Variants in LYAR observed in about 807,000 individuals in gnomAD.
LYAR encodes the protein cell growth-regulating nucleolar protein.
In LYAR, 37 loss-of-function variants were observed where a neutral mutation model predicts 45.2. The observed-to-expected ratio is 0.82, with a 90% CI of 0.63 to 1.08. The LOEUF is 1.08. LYAR is among the 50% of genes least tolerant of loss of function. LYAR has a pLI of 0.00. For missense variants in LYAR, 493 were observed against 451.0 expected (o/e 1.09, Z -0.84); for synonymous variants, 176 against 155.1 (o/e 1.14, Z -1.00).
Position 4,288,122 on chromosome 4 carries a change from T to C in LYAR, c.-107-1550A>G, listed in dbSNP as rs115389993. 3.5e-3 allele frequency among the ~76,000 whole-genome samples: 540 copies of C among 152,354 alleles called. 1 individual carries two copies. The highest frequency in any genetic ancestry group is 0.012 in the African/African-American group (517 of 41,586). The stretch of plus-strand genomic sequence containing the variant: ...CAAAGCACCTTAACTTCCCAGAATC[T>C]GTTTATCTGTAAAATGGATCTAATA... On this transcript the variant is annotated intron_variant, in intron 1 of 9. Transcript: ENST00000343470.
intron 8 of LYAR, among the ~76,000 whole-genome samples, chr4:4,270,325 T>TTA (rs1376236585): frequency 6.7e-6 from 1 of 149,430 alleles, no homozygotes; most frequent in African/African-American, 2.4e-5. Flanking sequence ...AAAAAAATCT[T>TTA]TAGGCTCTAG....
rs1719041803 is a variant in LYAR, at chr4:4,273,624, G to C, written c.878C>G (p.Pro293Arg). Reference sequence around the variant, plus strand: ...ATCGTCTTCTGGTTCTCCGCCCTCAGGATGCTCTGGGAGCTTCATCTTTTT... The same window carrying C: ...ATCGTCTTCTGGTTCTCCGCCCTCACGATGCTCTGGGAGCTTCATCTTTTT... ...KKKKMKLPEH[P>R]EGGEPEDDEA... Residue 293 changes from proline (P) to arginine (R), a missense_variant, in exon 8 of 10, where the codon CCT becomes CGT. Physicochemically the swap from Pro to Arg is moderately radical, Grantham distance 103. Transcript: ENST00000343470. The C allele has an allele frequency of 6.2e-6, 10 of 1,613,516 alleles. No individual in the cohort carries two copies. Among genetic ancestry groups the C allele is most frequent in the Non-Finnish European group, 8.5e-6 (10 of 1,179,600 alleles).
At chr4:4,286,742 G>A (rs1047472754) in intron 1 of LYAR, among the ~76,000 whole-genome samples, 170 bp from the exon 2 acceptor site, 1 of 148,542 alleles carries the variant, frequency 6.7e-6, no homozygotes, top group African/African-American at 2.5e-5. Context: ...CGCCTCCCGG[G>A]TTCATGCCAT....
At chr4:4,274,152 G>A (rs902126730) in intron 7 of LYAR, among the ~76,000 whole-genome samples, 5 of 151,990 alleles carry the variant, frequency 3.3e-5, no homozygotes, top group South Asian at 2.1e-4. Context: ...CAGAAGAATC[G>A]CTTGAACCTG....
intron 2 of LYAR, among the ~76,000 whole-genome samples, chr4:4,285,535 G>A (rs1290972001): frequency 3.3e-5 from 5 of 152,228 alleles, no homozygotes; most frequent in Admixed American, 6.5e-5. Flanking sequence ...GCATGGAGGT[G>A]CACTTTGGTG....
Position 4,279,499 on chromosome 4 carries a change from T to C in LYAR, c.377A>G (p.Asn126Ser). The C allele has an allele frequency of 6.2e-7, 1 of 1,612,818 alleles. No homozygotes were observed. The highest frequency in any genetic ancestry group is 2.2e-5 in the East Asian group (1 of 44,882). Reference protein sequence around the residue: ...NWMKNSLKVHNESILDQVWNI... With the variant: ...NWMKNSLKVHSESILDQVWNI... ...CCACACCTGGTCCAGAATGGATTCATTATGAACTTTTAAACTGTTCTTCAT... is the reference window on the plus strand; with the variant it reads ...CCACACCTGGTCCAGAATGGATTCACTATGAACTTTTAAACTGTTCTTCAT... The change falls in exon 6 of 10, where the codon AAT becomes AGT. Residue 126 changes from asparagine to serine, a missense_variant. Coordinates refer to ENST00000343470, the MANE Select transcript of LYAR (RefSeq NM_017816.3).
At chr4:4,284,146 A>G (rs1006950604) in intron 2 of LYAR, among the ~76,000 whole-genome samples, 1 of 152,242 alleles carries the variant, frequency 6.6e-6, no homozygotes, top group Admixed American at 6.5e-5. Flanking sequence ...ATACACGGTT[A>G]ACAGAACCAG....
intron 2 of LYAR, among the ~76,000 whole-genome samples, chr4:4,284,349 T>G (rs1418387626): frequency 6.6e-6 from 1 of 152,202 alleles, no homozygotes; most frequent in African/African-American, 2.4e-5. Context: ...GAGTGAAGTT[T>G]AGAAAGTGAA....
Position 4,268,023 on chromosome 4 carries a change from C to A in LYAR, c.1006G>T (p.Val336Phe). The change falls in exon 10 of 10, where the codon GTT (valine) becomes TTT (phenylalanine). Residue 336 changes from valine to phenylalanine, a missense_variant and splice_region_variant. Val to Phe is a conservative substitution (Grantham distance 50). Coordinates refer to ENST00000343470, the MANE Select transcript of LYAR (RefSeq NM_017816.3). ...GTCACTGTGTAGTACTGAGCTAAAA[C>A]CTTCACAAAGAAAAACATCAAATGA... ...EITIKKLRKK[V>F]LAQYYTVTDE... The A allele has an allele frequency of 6.4e-7, 1 of 1,573,280 alleles. No homozygotes were observed. The highest frequency in any genetic ancestry group is 8.6e-7 in the Non-Finnish European group (1 of 1,163,722).
rs1247233882 is a variant in LYAR, at chr4:4,283,781, G to C, written c.-39C>G. 4 of 1,547,996 alleles carry C rather than the reference G, an allele frequency of 2.6e-6. No individual in the cohort carries two copies. The highest frequency in any genetic ancestry group is 1.4e-5 in the African/African-American group (1 of 73,618). ...GCTAAATATTCTCTATCCAAGACAG[G>C]TTTTAAGTCTTGTCCTAAGGAAAAA... On this transcript the variant is annotated 5_prime_UTR_variant, in exon 3 of 10. Transcript: ENST00000343470.
chr4:4,274,258 A>C lies in LYAR; in HGVS notation c.832+109T>G, dbSNP rs546727469. 335 of 1,231,752 alleles carry C rather than the reference A, an allele frequency of 2.7e-4. 2 individuals carry two copies. The highest frequency in any genetic ancestry group is 3.6e-4 in the East Asian group (15 of 42,076). The allele number at this position is 1,231,752 out of a possible 1,614,324, so 76.3% of individuals were successfully genotyped here. On this transcript the variant is annotated intron_variant, in intron 7 of 9. Transcript: ENST00000343470. ...TCTCAAAAAAAACAAAAAAAAAAAA[A>C]ACCACACACACACGCACACAAAACG...
chr4:4,272,317 G>GT (rs1718969922), intron 8 of LYAR, among the ~76,000 whole-genome samples: 1 of 152,158 alleles, frequency 6.6e-6, no homozygotes, highest in Admixed American at 6.5e-5. Flanking sequence ...AACAAAAAAT[G>GT]TAACAACAAC....
chr4:4,268,716 A>C, intron 8 of LYAR, 101 bp from the exon 9 acceptor site: 1 of 718,950 alleles, frequency 1.4e-6, no homozygotes, highest in Non-Finnish European at 2.3e-6. Context: ...CCAGGAAATG[A>C]GCTAACCCTC....
intron 4 of LYAR, among the ~76,000 whole-genome samples, chr4:4,281,382 C>T (rs1719387161): frequency 6.6e-6 from 1 of 151,080 alleles, no homozygotes. Context: ...TCACCCAGTA[C>T]AACCTCGGCT....
chr4:4,276,398 T>TC (rs1367419211), intron 6 of LYAR, among the ~76,000 whole-genome samples: 1 of 152,064 alleles, frequency 6.6e-6, no homozygotes, highest in Non-Finnish European at 1.5e-5. Flanking sequence ...TAAGGCTCGA[T>TC]CCTTGGCTAC....
At chr4:4,270,728 G>A (rs1047371643) in intron 8 of LYAR, among the ~76,000 whole-genome samples, 8 of 152,168 alleles carry the variant, frequency 5.3e-5, no homozygotes, top group African/African-American at 1.7e-4. Flanking sequence ...CACAATGAGC[G>A]GTTACCACAC....
Position 4,273,655 on chromosome 4 carries a change from T to G in LYAR, c.847A>C (p.Lys283Gln), listed in dbSNP as rs1719044076. 4 of 1,610,452 alleles carry G rather than the reference T, an allele frequency of 2.5e-6. No homozygotes were observed. Among genetic ancestry groups the G allele is most frequent in the Middle Eastern group, 3.3e-4 (2 of 6,058 alleles). ...RRHSEVETDSKKKKMKLPEHP... is the reference protein window; with the variant it reads ...RRHSEVETDSQKKKMKLPEHP... ...TCTGGGAGCTTCATCTTTTTCTTCTTAGAATCTGTTTCAACTAAGTATTTG... is the reference window on the plus strand; with the variant it reads ...TCTGGGAGCTTCATCTTTTTCTTCTGAGAATCTGTTTCAACTAAGTATTTG... Residue 283 changes from lysine (K) to glutamine (Q), a missense_variant, in exon 8 of 10, where the codon AAG (lysine) becomes CAG (glutamine). Physicochemically the swap from Lys to Gln is moderately conservative, Grantham distance 53. Transcript: ENST00000343470.
At chr4:4,275,330 T>C (rs1313001024) in intron 6 of LYAR, among the ~76,000 whole-genome samples, 1 of 152,198 alleles carries the variant, frequency 6.6e-6, no homozygotes, top group Non-Finnish European at 1.5e-5. Flanking sequence ...CAGCCCATTG[T>C]GTGTGAAGAG....
At chr4:4,280,300 A>G (rs1390700003) in intron 4 of LYAR, among the ~76,000 whole-genome samples, 2 of 152,236 alleles carry the variant, frequency 1.3e-5, no homozygotes, top group Non-Finnish European at 2.9e-5. Context: ...TTCCGTACTC[A>G]TGGACTGGGA....
Sources: gnomAD v4.1 joint callset for allele counts (sites outside exome capture counted in the v4.1 genomes callset) on GRCh38, gnomAD v4.1.1 for gene constraint, MANE v1.5 for transcripts, NCBI Gene and HGNC (gene_info 2026-07-23, HGNC 2026-07-21) for gene names.